MAP4: variants seen among roughly 807,000 people sequenced by gnomAD.
MAP4 encodes microtubule associated protein 4, also known as microtubule-associated protein 4.
A neutral mutation model predicts 170.2 loss-of-function variants in MAP4; 76 were observed. The ratio of observed to expected loss-of-function variants is 0.45; its 90% confidence interval spans 0.37 to 0.54. MAP4 has a LOEUF of 0.54. MAP4 is among the 20% of genes least tolerant of loss of function. The probability of loss-of-function intolerance (pLI) is 0.00; values close to 1 mark genes in which losing one functional copy is unlikely to be tolerated. For synonymous variants in MAP4, 909 were observed against 994.5 expected, an observed-to-expected ratio of 0.91 and a Z score of 1.62; for missense variants, 2,506 against 2,748.0, an observed-to-expected ratio of 0.91 and a Z score of 1.97.
At chr3:48,018,659 C>T (rs531403092), upstream of MAP4, among the ~76,000 whole-genome samples, 45 of 151,940 alleles carry the variant, frequency 3.0e-4, no homozygotes, top group South Asian at 3.1e-3. Context: ...AAAAATTAGC[C>T]GGGCGTGGTG....
chr3:47,852,101 C>G lies in MAP4; in HGVS notation c.*833G>C, dbSNP rs571079943. ...TCTGCACCCCTCTTCCCTGCCGCAC[C>G]GCCTCCAGGGCCCTAAGCTGCCCAC... On this transcript the variant is annotated 3_prime_UTR_variant, in exon 21 of 21. Transcript: ENST00000683076. 2 of 152,766 alleles carry G rather than the reference C, an allele frequency of 1.3e-5. No individual in the cohort carries two copies. Among genetic ancestry groups the G allele is most frequent in the African/African-American group, 4.8e-5 (2 of 41,478 alleles). The allele number at this position is 152,766 out of a possible 1,614,324, so 9.5% of individuals were successfully genotyped here.
At chr3:48,081,018 A>G (rs1196590794) in intron 1 of MAP4, among the ~76,000 whole-genome samples, 7 of 152,106 alleles carry the variant, frequency 4.6e-5, no homozygotes, top group Non-Finnish European at 1.0e-4. Context: ...CAGCTACTAA[A>G]GAGGCTGAGG....
intron 3 of MAP4, among the ~76,000 whole-genome samples, chr3:47,958,800 C>T (rs551693388): frequency 6.6e-6 from 1 of 151,884 alleles, no homozygotes; most frequent in South Asian, 2.1e-4. Context: ...TCTCCTGCCT[C>T]AGCCTCCCAA....
At chr3:47,969,127 G>A (rs1208919528) in intron 3 of MAP4, among the ~76,000 whole-genome samples, 1 of 152,230 alleles carries the variant, frequency 6.6e-6, no homozygotes, top group African/African-American at 2.4e-5. Context: ...TTAGCACCTG[G>A]CTAGGTGCAG....
At chr3:47,997,813 T>C (rs2100096787) in intron 2 of MAP4, among the ~76,000 whole-genome samples, 2 of 152,118 alleles carry the variant, frequency 1.3e-5, no homozygotes. Flanking sequence ...CATATCTCCA[T>C]TAATCTGCAA....
chr3:47,919,974 T>A (rs935096699), intron 5 of MAP4, among the ~76,000 whole-genome samples: 1 of 151,996 alleles, frequency 6.6e-6, no homozygotes, highest in Admixed American at 6.6e-5. Flanking sequence ...TTTATTATAT[T>A]TATTTATTAA....
rs771990448 is a variant in MAP4 at position 47,909,973 on chromosome 3, G to A, written c.4448C>T (p.Thr1483Ile). 2.5e-6 allele frequency: 4 copies of A among 1,614,014 alleles called. No homozygotes were observed. In the South Asian group the frequency reaches 4.4e-5, roughly 18 times the overall value. ...ISKSLMVDNY[T>I]KDGVPGQERP... ...TTCTTGACCTGGGACTCCATCTTTG[G>A]TGTAGTTATCTACCATTAATGATTT... Residue 1483 changes from threonine (T) to isoleucine (I), a missense_variant, in exon 9 of 21, where the codon ACC becomes ATC. Physicochemically the swap from Thr to Ile is moderately conservative, Grantham distance 89 (BLOSUM62 -1). Coordinates refer to ENST00000683076, the MANE Select transcript of MAP4 (RefSeq NM_001385682.1).
chr3:47,902,599 A>G (rs1206984749), intron 10 of MAP4, among the ~76,000 whole-genome samples: 1 of 145,402 alleles, frequency 6.9e-6, no homozygotes, highest in Non-Finnish European at 1.5e-5. Context: ...GCTTGAACCC[A>G]GGAGCCAGAG....
intron 2 of MAP4, among the ~76,000 whole-genome samples, chr3:47,984,477 C>T (rs1331739192): frequency 1.3e-5 from 2 of 152,168 alleles, no homozygotes; most frequent in Non-Finnish European, 2.9e-5. Context: ...AGGATACATA[C>T]ATAGCCTCAA....
chr3:47,866,203 G>A (rs2079454610), intron 17 of MAP4, among the ~76,000 whole-genome samples: 1 of 151,900 alleles, frequency 6.6e-6, no homozygotes, highest in South Asian at 2.1e-4. Flanking sequence ...TGGGCGTGGT[G>A]GCGCATGCCT....
intron 1 of MAP4, among the ~76,000 whole-genome samples, chr3:48,031,972 G>A (rs2100116380): frequency 6.6e-6 from 1 of 152,018 alleles, no homozygotes. Context: ...TGATAAGAGT[G>A]GCACTTTACC....
intron 3 of MAP4, among the ~76,000 whole-genome samples, chr3:47,966,714 C>A (rs1168552677): frequency 6.6e-6 from 1 of 152,104 alleles, no homozygotes; most frequent in Non-Finnish European, 1.5e-5. Context: ...TCCAGTTTTC[C>A]CCTCATCATT....
At chr3:48,058,982 T>C (rs2100133741) in intron 1 of MAP4, among the ~76,000 whole-genome samples, 2 of 152,028 alleles carry the variant, frequency 1.3e-5, no homozygotes, top group Non-Finnish European at 2.9e-5. Flanking sequence ...TTTCATCATG[T>C]GGGCCAGGCT....
intron 10 of MAP4, 125 bp downstream of exon 10, chr3:47,902,825 G>A (rs1268327926): frequency 3.7e-5 from 9 of 244,208 alleles, no homozygotes; most frequent in Non-Finnish European, 5.2e-5. Flanking sequence ...ATAGTAGCAA[G>A]TTCTAAGATA....
At chr3:48,078,348 T>C (rs2154568949) in intron 1 of MAP4, among the ~76,000 whole-genome samples, 1 of 148,486 alleles carries the variant, frequency 6.7e-6, no homozygotes, top group South Asian at 2.2e-4. Context: ...GAGACAGGGT[T>C]GCCATGCTAT....
chr3:47,981,436 C>G (rs546139523), intron 2 of MAP4, among the ~76,000 whole-genome samples: 1 of 151,628 alleles, frequency 6.6e-6, no homozygotes, highest in Non-Finnish European at 1.5e-5. Flanking sequence ...TGGTGGCACA[C>G]GCCTATAGTC....
upstream of MAP4, among the ~76,000 whole-genome samples, chr3:48,017,984 C>G (rs1347856749): frequency 6.6e-6 from 1 of 152,202 alleles, no homozygotes; most frequent in Non-Finnish European, 1.5e-5. Flanking sequence ...TAGATTCTCA[C>G]AGGAGCATGC....
At chr3:48,083,062 A>C (rs1034866803) in intron 1 of MAP4, among the ~76,000 whole-genome samples, 1 of 152,180 alleles carries the variant, frequency 6.6e-6, no homozygotes, top group Admixed American at 6.6e-5. Context: ...AAACTAAAGA[A>C]TTGTGACATC....
chr3:47,949,235 G>A (rs1234444628), intron 3 of MAP4, among the ~76,000 whole-genome samples: 3 of 151,984 alleles, frequency 2.0e-5, no homozygotes, highest in African/African-American at 7.2e-5. Flanking sequence ...GGAGCCTGAG[G>A]CGGGCAGATC....
Sources: allele counts gnomAD v4.1 joint callset (sites outside exome capture counted in the v4.1 genomes callset), GRCh38; gene constraint gnomAD v4.1.1; transcripts MANE v1.5; gene names NCBI Gene and HGNC (gene_info 2026-07-23, HGNC 2026-07-21).